EYA2: variants seen among roughly 807,000 people sequenced by gnomAD.
EYA2 encodes protein phosphatase EYA2.
Under a neutral mutation model 69.2 loss-of-function variants are expected in EYA2, and 31 were observed. The ratio of observed to expected loss-of-function variants is 0.45; its 90% CI spans 0.34 to 0.60. EYA2 has a LOEUF of 0.60. Among genes scored for constraint, EYA2 ranks in the 20% least tolerant of loss-of-function variants. The probability of loss-of-function intolerance (pLI) is 0.02; values close to 1 mark genes in which losing one functional copy is unlikely to be tolerated. For missense variants in EYA2, 622 were observed against 701.2 expected (o/e 0.89, Z 1.28); for synonymous variants, 257 against 279.4 (o/e 0.92, Z 0.80).
intron 1 of EYA2, among the ~76,000 whole-genome samples, chr20:46,897,776 C>G (rs1460087218): frequency 1.3e-5 from 2 of 152,162 alleles, no homozygotes; most frequent in East Asian, 1.9e-4. Context: ...CATGCCTTTC[C>G]TAAGTATCCA....
chr20:46,974,800 T>C (rs1980356036), intron 1 of EYA2, among the ~76,000 whole-genome samples: 1 of 152,134 alleles, frequency 6.6e-6, no homozygotes, highest in African/African-American at 2.4e-5. Flanking sequence ...AGTTCTACAT[T>C]TTGCTCCAGG....
At chr20:47,082,612 A>T (rs1031164954) in intron 7 of EYA2, among the ~76,000 whole-genome samples, 1 of 152,228 alleles carries the variant, frequency 6.6e-6, no homozygotes, top group Non-Finnish European at 1.5e-5. Context: ...TGGTTCGTGA[A>T]TCAGAAGACT....
At chr20:47,172,671 T>A (rs3827049) in intron 11 of EYA2, 36 bp from the exon 12 acceptor site, 702,252 of 1,564,526 alleles carry the variant, frequency 0.45, 163,651 homozygotes, top group Non-Finnish European at 0.49. Flanking sequence ...TGCACCCCCC[T>A]GCACTAACAC....
chr20:47,064,195 G>A lies in EYA2; in HGVS notation c.416-7990G>A, dbSNP rs149667671. Among the ~76,000 whole-genome samples the A allele has an allele frequency of 2.2e-3, 333 of 152,304 alleles. 2 individuals are homozygous for A. The highest frequency in any genetic ancestry group is 7.1e-3 in the African/African-American group (294 of 41,558). ...TGATCTCAAACTCCTGGGCTCAAGT[G>A]ATCCACCCTCCTCAGCCTCCCAAAG... On this transcript the variant is annotated intron_variant, in intron 5 of 15. Coordinates refer to ENST00000327619, the MANE Select transcript of EYA2 (RefSeq NM_005244.5).
At chr20:47,116,170 CTTTTTT>C (rs138828415) in intron 9 of EYA2, among the ~76,000 whole-genome samples, 3 of 80,036 alleles carry the variant, frequency 3.7e-5, no homozygotes, top group Non-Finnish European at 4.5e-5. Flanking sequence ...CATCATCCTT[CTTTTTT>C]TTTTTTTTTT....
At chr20:46,955,650 TAG>T (rs146352078) in intron 1 of EYA2, among the ~76,000 whole-genome samples, 4,164 of 152,334 alleles carry the variant, frequency 0.027, 69 homozygotes, top group East Asian at 0.065. Context: ...CACAAATTCA[TAG>T]AGTTTTCTTT....
At chr20:46,957,529 T>TCACACA (rs74176892) in intron 1 of EYA2, among the ~76,000 whole-genome samples, 8 of 20,012 alleles carry the variant, frequency 4.0e-4, no homozygotes, top group African/African-American at 6.9e-4. Context: ...GAAGGAGATT[T>TCACACA]CACACACACA....
chr20:46,904,279 C>T (rs768897196), intron 1 of EYA2, among the ~76,000 whole-genome samples: 14 of 152,010 alleles, frequency 9.2e-5, no homozygotes, highest in Non-Finnish European at 2.1e-4. Flanking sequence ...TAAATGGTAG[C>T]TTGTATTATT....
At chr20:47,105,638 A>AAAAAAAAC in intron 9 of EYA2, among the ~76,000 whole-genome samples, 1 of 151,054 alleles carries the variant, frequency 6.6e-6, no homozygotes, top group Non-Finnish European at 1.5e-5. Flanking sequence ...AAAAAAAAAA[A>AAAAAAAAC]AAGGAACCTG....
chr20:46,936,273 C>T (rs894934761), intron 1 of EYA2, among the ~76,000 whole-genome samples: 1 of 152,178 alleles, frequency 6.6e-6, no homozygotes, highest in African/African-American at 2.4e-5. Flanking sequence ...GAGTTCAAGA[C>T]CATCCTGGTT....
chr20:47,169,304 GGAGTGCCT>G, intron 11 of EYA2, 107 bp downstream of exon 11: 1 of 1,127,578 alleles, frequency 8.9e-7, no homozygotes, highest in Non-Finnish European at 1.3e-6. Flanking sequence ...ATAAGGACAA[GGAGTGCCT>G]GCCTCCAGCC....
chr20:46,966,152 G>A (rs1383096507), intron 1 of EYA2, among the ~76,000 whole-genome samples: 1 of 152,018 alleles, frequency 6.6e-6, no homozygotes, highest in Non-Finnish European at 1.5e-5. Flanking sequence ...TCTTTTTTGG[G>A]ATGGGATATC....
intron 1 of EYA2, among the ~76,000 whole-genome samples, chr20:46,940,104 A>C (rs980586003): frequency 1.3e-5 from 2 of 152,220 alleles, no homozygotes; most frequent in African/African-American, 2.4e-5. Flanking sequence ...AGAAATCTTC[A>C]TGGAGGAAGA....
At chr20:47,044,558 G>C (rs910915638) in intron 5 of EYA2, among the ~76,000 whole-genome samples, 2 of 152,196 alleles carry the variant, frequency 1.3e-5, no homozygotes, top group East Asian at 3.8e-4. Flanking sequence ...GTTCAACCAG[G>C]TGGTCAGGCT....
chr20:47,006,918 G>T (rs963841856), intron 4 of EYA2, among the ~76,000 whole-genome samples: 1 of 151,794 alleles, frequency 6.6e-6, no homozygotes, highest in Non-Finnish European at 1.5e-5. Flanking sequence ...CCTAGAGATA[G>T]AAAAAAAAGT....
intron 1 of EYA2, among the ~76,000 whole-genome samples, chr20:46,948,294 A>T (rs1034148865): frequency 1.3e-5 from 2 of 152,202 alleles, no homozygotes; most frequent in Non-Finnish European, 2.9e-5. Flanking sequence ...AAACAGTCAG[A>T]GACAACATGT....
At chr20:47,109,191 C>G (rs564538665) in intron 9 of EYA2, among the ~76,000 whole-genome samples, 5 of 152,190 alleles carry the variant, frequency 3.3e-5, no homozygotes, top group African/African-American at 4.8e-5. Flanking sequence ...CTGTTGGCAA[C>G]CAGCCAATTC....
Position 47,087,734 on chromosome 20 carries a change from A to G in EYA2, c.662-1505A>G, listed in dbSNP as rs150319008. 3.0e-3 allele frequency among the ~76,000 whole-genome samples: 464 copies of G among 152,342 alleles called. 3 individuals are homozygous for G. Among genetic ancestry groups the G allele is most frequent in the African/African-American group, 0.011 (439 of 41,574 alleles). ...GTGGGGCCACACCCAGGAGCACCCC[A>G]AAGTGAGAAGCAGCAAGGACCCACA... On this transcript the variant is annotated intron_variant, in intron 7 of 15. Transcript: ENST00000327619.
At chr20:47,023,765 G>A (rs1464070631) in intron 5 of EYA2, among the ~76,000 whole-genome samples, 45 of 149,940 alleles carry the variant, frequency 3.0e-4, no homozygotes, top group Non-Finnish European at 1.5e-4. Flanking sequence ...AGCCACCTGA[G>A]TAGCTGGGCT....
Sources: allele counts gnomAD v4.1 joint callset (sites outside exome capture counted in the v4.1 genomes callset), GRCh38; gene constraint gnomAD v4.1.1; transcripts MANE v1.5; gene names NCBI Gene and HGNC (gene_info 2026-07-23, HGNC 2026-07-21).